KCNQ5: variants seen among roughly 807,000 people sequenced by gnomAD.
The protein encoded by KCNQ5 is potassium voltage-gated channel subfamily Q member 5.
A neutral mutation model predicts 98.2 loss-of-function variants in KCNQ5; 30 were observed. That is an observed-to-expected ratio of 0.31 (90% confidence interval 0.23 to 0.41). The LOEUF is 0.41. Ranked by LOEUF, KCNQ5 falls within the 10% of genes least tolerant of loss-of-function variation. The probability of loss-of-function intolerance (pLI) is 1.00; values close to 1 mark genes in which losing one functional copy is unlikely to be tolerated. For synonymous variants in KCNQ5, 458 were observed against 449.4 expected (o/e 1.02, Z -0.24); for missense variants, 835 against 1,182.5 (o/e 0.71, Z 4.31).
intron 1 of KCNQ5, among the ~76,000 whole-genome samples, chr6:72,882,353 A>G (rs757507812): frequency 7.2e-5 from 11 of 152,206 alleles, no homozygotes; most frequent in Non-Finnish European, 1.5e-4. Flanking sequence ...TGGTTCTAAG[A>G]TTCATTTGCA....
intron 2 of KCNQ5, among the ~76,000 whole-genome samples, chr6:73,025,795 C>G (rs1348888583): frequency 6.6e-6 from 1 of 152,090 alleles, no homozygotes; most frequent in Non-Finnish European, 1.5e-5. Flanking sequence ...CATTGTTTCT[C>G]ATCTCCTCAA....
chr6:72,680,619 T>A (rs957397225), intron 1 of KCNQ5, among the ~76,000 whole-genome samples: 2 of 152,182 alleles, frequency 1.3e-5, no homozygotes, highest in Non-Finnish European at 2.9e-5. Context: ...ATTTAGGCAA[T>A]AGATAACCAT....
intron 1 of KCNQ5, among the ~76,000 whole-genome samples, chr6:72,711,677 C>G (rs1415899781): frequency 6.6e-6 from 1 of 151,944 alleles, no homozygotes; most frequent in African/African-American, 2.4e-5. Context: ...GCAGGGAGAC[C>G]TATCCAAAGG....
At chr6:73,132,368 G>C (rs575856446) in intron 9 of KCNQ5, among the ~76,000 whole-genome samples, 1 of 151,916 alleles carries the variant, frequency 6.6e-6, no homozygotes, top group Admixed American at 6.6e-5. Flanking sequence ...ACCTTCTAAT[G>C]AATGGCATAA....
rs189153651 is a variant in KCNQ5 at position 72,677,644 on chromosome 6, T to C, written c.398+55057T>C. ...ATAAGGTTTTAAGCTTTAGGTAAGG[T>C]AAAGTTTAACTTTAGTTTGTATCTG... On this transcript the variant is annotated intron_variant, in intron 1 of 13. Transcript: ENST00000370398. 6.7e-4 allele frequency among the ~76,000 whole-genome samples: 102 copies of C among 152,342 alleles called. 1 individual carries two copies. Among genetic ancestry groups the C allele is most frequent in the African/African-American group, 2.4e-3 (98 of 41,582 alleles).
chr6:72,713,977 A>G (rs960902506), intron 1 of KCNQ5, among the ~76,000 whole-genome samples: 1 of 152,098 alleles, frequency 6.6e-6, no homozygotes, highest in African/African-American at 2.4e-5. Flanking sequence ...TCATTTCCCT[A>G]ACTGGAATGA....
intron 1 of KCNQ5, among the ~76,000 whole-genome samples, chr6:72,731,129 T>C (rs1770532361): frequency 6.6e-6 from 1 of 152,188 alleles, no homozygotes; most frequent in Admixed American, 6.5e-5. Context: ...TCCCACAGAT[T>C]AGAAGAAACA....
intron 1 of KCNQ5, among the ~76,000 whole-genome samples, chr6:72,785,802 G>A (rs540793185): frequency 7.2e-5 from 11 of 152,178 alleles, no homozygotes; most frequent in East Asian, 3.9e-4. Context: ...AATCATCACC[G>A]CTTGCTTGGA....
intron 5 of KCNQ5, among the ~76,000 whole-genome samples, chr6:73,100,178 A>T (rs1275153425): frequency 1.3e-5 from 2 of 152,212 alleles, no homozygotes; most frequent in African/African-American, 4.8e-5. Context: ...AACAAAACCA[A>T]TGGGATACAG....
chr6:73,113,316 C>T (rs1775333756), intron 7 of KCNQ5, among the ~76,000 whole-genome samples: 1 of 152,216 alleles, frequency 6.6e-6, no homozygotes, highest in Non-Finnish European at 1.5e-5. Flanking sequence ...GCACCAAGCT[C>T]TGTCTACATA....
At chr6:73,055,994 G>C (rs1250668270) in intron 3 of KCNQ5, 4 of 387,110 alleles carry the variant, frequency 1.0e-5, no homozygotes, top group Non-Finnish European at 2.0e-5. Context: ...TTTCATTTTA[G>C]CCATTTTGTC....
intron 11 of KCNQ5, among the ~76,000 whole-genome samples, chr6:73,180,488 T>C (rs554672470): frequency 6.6e-6 from 1 of 152,340 alleles, no homozygotes; most frequent in Admixed American, 6.5e-5. Flanking sequence ...ACTAATGCCA[T>C]GTCAATGGGT....
At chr6:73,114,043 T>G (rs976657881) in intron 7 of KCNQ5, among the ~76,000 whole-genome samples, 9 of 152,334 alleles carry the variant, frequency 5.9e-5, no homozygotes, top group Non-Finnish European at 1.0e-4. Flanking sequence ...AATCTACTAA[T>G]TTTAAAAGCA....
chr6:72,695,629 A>T (rs1435292409), intron 1 of KCNQ5, among the ~76,000 whole-genome samples: 2 of 152,150 alleles, frequency 1.3e-5, no homozygotes, highest in East Asian at 3.8e-4. Context: ...TGTTTATAAT[A>T]TATAATATTA....
intron 5 of KCNQ5, among the ~76,000 whole-genome samples, chr6:73,078,434 A>T (rs1773626645): frequency 6.6e-6 from 1 of 152,188 alleles, no homozygotes; most frequent in Non-Finnish European, 1.5e-5. Flanking sequence ...TTTCCAAATA[A>T]ATAAAGTAAA....
At chr6:72,823,881 A>G (rs1431427940) in intron 1 of KCNQ5, among the ~76,000 whole-genome samples, 3 of 152,188 alleles carry the variant, frequency 2.0e-5, no homozygotes, top group Non-Finnish European at 4.4e-5. Flanking sequence ...AGTCTAGCCA[A>G]CCTCAAATCT....
At chr6:73,067,971 T>G (rs568892755) in intron 3 of KCNQ5, among the ~76,000 whole-genome samples, 12 of 151,788 alleles carry the variant, frequency 7.9e-5, no homozygotes, top group Non-Finnish European at 1.5e-4. Flanking sequence ...ATGTATGTAT[T>G]TATACTATTT....
intron 6 of KCNQ5, among the ~76,000 whole-genome samples, chr6:73,108,942 C>CATTT (rs1428932665): frequency 6.6e-6 from 1 of 152,130 alleles, no homozygotes; most frequent in African/African-American, 2.4e-5. Context: ...AATTTCTTTA[C>CATTT]ATTTATTGGT....
chr6:73,055,223 C>T (rs1398771920), intron 3 of KCNQ5: 6 of 1,194,380 alleles, frequency 5.0e-6, no homozygotes, highest in Admixed American at 3.4e-5. Flanking sequence ...GCAGGCACGG[C>T]GAGATGCTGG....
Sources: gnomAD v4.1 joint callset for allele counts (sites outside exome capture counted in the v4.1 genomes callset) on GRCh38, gnomAD v4.1.1 for gene constraint, MANE v1.5 for transcripts, NCBI Gene and HGNC (gene_info 2026-07-23, HGNC 2026-07-21) for gene names.